The following RAB28 variants were observed in gnomAD, a reference collection of about 807,000 sequenced individuals.
RAB28 encodes the protein RAB28, member RAS oncogene family, also known as ras-related protein Rab-28.
A neutral mutation model predicts 31.7 loss-of-function variants in RAB28; 24 were observed. That is an observed-to-expected ratio of 0.76 (90% CI 0.55 to 1.06). RAB28 has a LOEUF of 1.06. Ranked by LOEUF, RAB28 falls within the 50% of genes least tolerant of loss-of-function variation. RAB28 has a pLI of 0.00. For synonymous variants in RAB28, 100 were observed against 90.4 expected (o/e 1.11, Z -0.60); for missense variants, 254 against 258.5 (o/e 0.98, Z 0.12).
At chr4:13,428,328 G>A (rs1335147821) in intron 4 of RAB28, among the ~76,000 whole-genome samples, 2 of 152,090 alleles carry the variant, frequency 1.3e-5, no homozygotes, top group Non-Finnish European at 2.9e-5. Context: ...AAGCCTTAAA[G>A]TATCAAGCCA....
At chr4:13,472,633 G>C (rs1056947395) in intron 3 of RAB28, among the ~76,000 whole-genome samples, 6 of 151,702 alleles carry the variant, frequency 4.0e-5, no homozygotes, top group African/African-American at 1.2e-4. Flanking sequence ...AATTTCATTA[G>C]AAGTTAGATC....
intron 2 of RAB28, among the ~76,000 whole-genome samples, chr4:13,478,521 A>G (rs891057934): frequency 2.6e-5 from 4 of 151,574 alleles, no homozygotes; most frequent in Admixed American, 2.6e-4. Flanking sequence ...AGAGGTTAAC[A>G]TATTTCAATA....
intron 3 of RAB28, among the ~76,000 whole-genome samples, chr4:13,473,473 T>C (rs1282407547): frequency 1.3e-5 from 2 of 151,936 alleles, no homozygotes; most frequent in Non-Finnish European, 2.9e-5. Flanking sequence ...CCATATTCTC[T>C]ACTTCATCAG....
intron 4 of RAB28, among the ~76,000 whole-genome samples, chr4:13,456,721 T>TTTTTTTTTTTTTTTTTTTTTTGAGACGG (rs1715321193): frequency 6.6e-6 from 1 of 152,150 alleles, no homozygotes; most frequent in African/African-American, 2.4e-5. Flanking sequence ...TAATTCATTT[T>TTTTTTTTTTTTTTTTTTTTTTGAGACGG]AATAACTGTA....
intron 4 of RAB28, among the ~76,000 whole-genome samples, chr4:13,391,057 G>T (rs1729606988): frequency 1.3e-5 from 2 of 152,232 alleles, no homozygotes; most frequent in Admixed American, 6.5e-5. Context: ...TGACAAATGG[G>T]ATCTAATTAA....
At chr4:13,408,336 C>T (rs986429964) in intron 4 of RAB28, among the ~76,000 whole-genome samples, 6 of 152,126 alleles carry the variant, frequency 3.9e-5, no homozygotes, top group African/African-American at 1.4e-4. Flanking sequence ...ACATGTTGAA[C>T]CACCCTTGCA....
chr4:13,468,449 G>C (rs559229892), intron 3 of RAB28, among the ~76,000 whole-genome samples: 1 of 151,782 alleles, frequency 6.6e-6, no homozygotes, highest in South Asian at 2.1e-4. Context: ...CAAAGTATGT[G>C]AAGATTAAAC....
At chr4:13,409,458 A>G (rs1395486766) in intron 4 of RAB28, among the ~76,000 whole-genome samples, 1 of 152,172 alleles carries the variant, frequency 6.6e-6, no homozygotes, top group African/African-American at 2.4e-5. Flanking sequence ...CACCAACTCT[A>G]ATCCTGATAC....
intron 4 of RAB28, among the ~76,000 whole-genome samples, chr4:13,390,356 T>C (rs1729571913): frequency 6.6e-6 from 1 of 152,100 alleles, no homozygotes; most frequent in Non-Finnish European, 1.5e-5. Flanking sequence ...ACAAGGGATG[T>C]GAAGGACCTC....
intron 4 of RAB28, among the ~76,000 whole-genome samples, chr4:13,442,292 C>T (rs1487196264): frequency 6.6e-6 from 1 of 151,788 alleles, no homozygotes; most frequent in Non-Finnish European, 1.5e-5. Context: ...ACATTTGTAC[C>T]TCAACCAAAA....
chr4:13,445,182 T>C (rs1451933828), intron 4 of RAB28, among the ~76,000 whole-genome samples: 1 of 151,904 alleles, frequency 6.6e-6, no homozygotes, highest in Non-Finnish European at 1.5e-5. Context: ...CATTGATACT[T>C]GTGTATGCTT....
intron 4 of RAB28, among the ~76,000 whole-genome samples, chr4:13,460,493 A>G (rs1715537376): frequency 6.6e-6 from 1 of 152,100 alleles, no homozygotes; most frequent in African/African-American, 2.4e-5. Flanking sequence ...TGGGACTACA[A>G]GCATTAGCCA....
At chr4:13,479,276 AT>A (rs1716500523) in intron 2 of RAB28, among the ~76,000 whole-genome samples, 153 bp downstream of exon 2, 1 of 151,704 alleles carries the variant, frequency 6.6e-6, no homozygotes, top group South Asian at 2.1e-4. Context: ...TTCATGATAG[AT>A]TGTGATGAAA....
intron 4 of RAB28, among the ~76,000 whole-genome samples, chr4:13,411,558 G>T (rs2108909836): frequency 6.6e-6 from 1 of 152,236 alleles, no homozygotes; most frequent in South Asian, 2.1e-4. Flanking sequence ...TTTGGCTGAA[G>T]GCCATAGACA....
chr4:13,457,351 A>G (rs1168675520), intron 4 of RAB28, among the ~76,000 whole-genome samples: 2 of 152,240 alleles, frequency 1.3e-5, no homozygotes, highest in African/African-American at 2.4e-5. Context: ...AGAAATTAAA[A>G]TATATTCAGG....
At chr4:13,444,460 A>G (rs570399871) in intron 4 of RAB28, among the ~76,000 whole-genome samples, 3 of 152,314 alleles carry the variant, frequency 2.0e-5, no homozygotes, top group African/African-American at 7.2e-5. Context: ...TATCTTGGCT[A>G]TAGTGAATAA....
intron 6 of RAB28, chr4:13,370,251 G>A: frequency 1.0e-6 from 1 of 965,066 alleles, no homozygotes; most frequent in Non-Finnish European, 1.2e-6. Context: ...TTCCCAAATT[G>A]TAAGTTCCAT....
chr4:13,399,221 G>A (rs536434320), intron 4 of RAB28, among the ~76,000 whole-genome samples: 5 of 152,202 alleles, frequency 3.3e-5, no homozygotes, highest in African/African-American at 7.2e-5. Flanking sequence ...AGTCATCTGC[G>A]TCTGGCATTT....
At chr4:13,369,741 G>T in intron 6 of RAB28, 2 of 882,884 alleles carry the variant, frequency 2.3e-6, no homozygotes, top group Non-Finnish European at 3.1e-6. Context: ...AGACGTAGAC[G>T]TGATATTAAC....
Sources: gnomAD v4.1 joint callset for allele counts (sites outside exome capture counted in the v4.1 genomes callset) on GRCh38, gnomAD v4.1.1 for gene constraint, MANE v1.5 for transcripts, NCBI Gene and HGNC (gene_info 2026-07-23, HGNC 2026-07-21) for gene names.